The following VPS53 variants were observed in gnomAD, a reference collection of about 807,000 sequenced individuals.
The protein encoded by VPS53 is VPS53 subunit of GARP complex.
VPS53 carries 70 observed loss-of-function variants against 107.0 expected under a neutral mutation model. The observed-to-expected ratio is 0.65, with a 90% CI of 0.54 to 0.80. The LOEUF (loss-of-function observed/expected upper bound fraction) is 0.80. Ranked by LOEUF, VPS53 falls within the 30% of genes least tolerant of loss-of-function variation. The pLI is 0.00. For missense variants in VPS53, 917 were observed against 1,049.4 expected (o/e 0.87, Z 1.74); for synonymous variants, 409 against 393.3 (o/e 1.04, Z -0.47).
At chr17:594,580 C>T (rs34862016) in intron 12 of VPS53, among the ~76,000 whole-genome samples, 4 of 113,380 alleles carry the variant, frequency 3.5e-5, no homozygotes, top group Non-Finnish European at 7.3e-5. Context: ...TCAATTTCCT[C>T]GTTTGATGAT....
intron 19 of VPS53, among the ~76,000 whole-genome samples, chr17:531,344 A>G (rs949763632): frequency 1.3e-5 from 2 of 152,196 alleles, no homozygotes; most frequent in African/African-American, 4.8e-5. Context: ...GTTCCAGCAG[A>G]TGGTTTTCTC....
At chr17:592,046 T>C (rs1170164547) in intron 12 of VPS53, among the ~76,000 whole-genome samples, 2 of 152,276 alleles carry the variant, frequency 1.3e-5, no homozygotes, top group East Asian at 3.9e-4. Flanking sequence ...TGTAGGTCAC[T>C]CAGGACTTGC....
In VPS53 at chr17:552,756, G is replaced by A. The variant is rs969842383; in HGVS notation, c.1787+624C>T. On this transcript the variant is annotated intron_variant, in intron 16 of 21. Transcript: ENST00000437048. ...TAAAAGAGCAACTGCATCTGAGGAGGTACAATGGCAGCCCAGTTCTGAAGC... is the reference window on the plus strand; with the variant it reads ...TAAAAGAGCAACTGCATCTGAGGAGATACAATGGCAGCCCAGTTCTGAAGC... 4 of 219,944 alleles carry A rather than the reference G, an allele frequency of 1.8e-5. No homozygotes were observed. In the East Asian group the frequency reaches 4.0e-4, roughly 22 times the overall value. 13.6% of individuals were successfully genotyped at this position (219,944 alleles called of 1,614,324 possible).
chr17:679,970 A>T (rs1972325153), intron 4 of VPS53, among the ~76,000 whole-genome samples: 1 of 152,186 alleles, frequency 6.6e-6, no homozygotes, highest in African/African-American at 2.4e-5. Flanking sequence ...CAACATGGTG[A>T]AACCCCGTCT....
At chr17:562,812 TTGCAA>T in intron 13 of VPS53, 67 bp from the exon 14 acceptor site, 2 of 1,547,360 alleles carry the variant, frequency 1.3e-6, no homozygotes, top group Non-Finnish European at 1.7e-6. Flanking sequence ...ATGTGCTCGT[TTGCAA>T]TGTACATAAA....
At chr17:627,587 C>T (rs1054367092) in intron 9 of VPS53, among the ~76,000 whole-genome samples, 3 of 152,078 alleles carry the variant, frequency 2.0e-5, no homozygotes, top group African/African-American at 7.2e-5. Flanking sequence ...CCAGCCTGAC[C>T]AACATGGAGA....
Position 714,788 on chromosome 17 carries a change from A to G in VPS53, c.-79T>C. On this transcript the variant is annotated 5_prime_UTR_variant, in exon 1 of 22. Coordinates refer to ENST00000437048, the MANE Select transcript of VPS53 (RefSeq NM_001128159.3). ...GCCGCCACCCAGGCCCCAGCACAGC[A>G]ACTCCCTCGCGGCAGCGACCTGGTG... The G allele has an allele frequency of 6.5e-7, 1 of 1,533,162 alleles. No homozygotes were observed. Among genetic ancestry groups the G allele is most frequent in the African/African-American group, 1.4e-5 (1 of 73,408 alleles). 95.0% of individuals were successfully genotyped at this position (1,533,162 alleles called of 1,614,324 possible). A position where few individuals can be genotyped will look rare whatever the true frequency, so the allele number is the denominator to read the frequency against.
At chr17:703,163 C>G (rs547745219) in intron 2 of VPS53, among the ~76,000 whole-genome samples, 17 of 151,204 alleles carry the variant, frequency 1.1e-4, no homozygotes, top group African/African-American at 3.9e-4. Context: ...GAGCCGAGAT[C>G]ACACCACTGC....
intron 8 of VPS53, among the ~76,000 whole-genome samples, chr17:629,265 T>G (rs554290257): frequency 6.6e-6 from 1 of 152,260 alleles, no homozygotes; most frequent in South Asian, 2.1e-4. Flanking sequence ...CACCCTAACT[T>G]CTCAATTCTC....
At chr17:687,363 G>A (rs1417477213) in intron 4 of VPS53, among the ~76,000 whole-genome samples, 3 of 151,114 alleles carry the variant, frequency 2.0e-5, no homozygotes, top group Non-Finnish European at 4.4e-5. Context: ...AGATCATGAG[G>A]TCAGAAGATC....
At chr17:542,993 AT>A (rs1456987065) in intron 17 of VPS53, among the ~76,000 whole-genome samples, 4 of 150,894 alleles carry the variant, frequency 2.7e-5, no homozygotes, top group African/African-American at 4.9e-5. Context: ...AAAAAAAAAA[AT>A]CTGCATTTTT....
chr17:684,017 A>G (rs1597484218), intron 4 of VPS53, among the ~76,000 whole-genome samples: 1 of 152,254 alleles, frequency 6.6e-6, no homozygotes, highest in African/African-American at 2.4e-5. Context: ...GAAGCCTGCT[A>G]TGAAAAGACT....
rs377065889 is a variant in VPS53 at position 653,381 on chromosome 17, T to C, written c.518A>G (p.Glu173Gly). 1.2e-6 allele frequency: 2 copies of C among 1,614,256 alleles called. No homozygotes were observed. The highest frequency in any genetic ancestry group is 1.7e-6 in the Non-Finnish European group (2 of 1,180,056). ...CACACCCTGAAGGAGATTAGCAACT[T>C]CTCCGTATTGTCTTCGCCTGGTCAT... is the stretch of plus-strand genomic sequence containing the variant. ...EAMTRRRQYG[E>G]VANLLQGVMN... Residue 173 changes from glutamate (E) to glycine (G), a missense_variant, in exon 7 of 22, where the codon GAA becomes GGA. Glu to Gly is a moderately conservative substitution (Grantham distance 98). Transcript: ENST00000437048.
chr17:583,128 C>T (rs577298747), intron 13 of VPS53, among the ~76,000 whole-genome samples: 4 of 150,272 alleles, frequency 2.7e-5, no homozygotes, highest in South Asian at 2.1e-4. Context: ...GACCTCAATG[C>T]GTTCCCAGAG....
At chr17:599,011 G>C (rs1968171491) in intron 12 of VPS53, among the ~76,000 whole-genome samples, 2 of 89,168 alleles carry the variant, frequency 2.2e-5, no homozygotes, top group Admixed American at 2.5e-4. Context: ...GGGGGGGTCA[G>C]CCCCCAACCC....
chr17:566,817 C>T (rs907542499), intron 13 of VPS53, among the ~76,000 whole-genome samples: 1 of 151,874 alleles, frequency 6.6e-6, no homozygotes, highest in African/African-American at 2.4e-5. Context: ...GATCTCAGCT[C>T]ACTGCAACCT....
chr17:513,718 A>C lies in VPS53; in HGVS notation c.*5410T>G, dbSNP rs564006257. On this transcript the variant is annotated 3_prime_UTR_variant, in exon 22 of 22. Coordinates refer to ENST00000437048, the MANE Select transcript of VPS53 (RefSeq NM_001128159.3). ...TTCCGAGTGCTCTTCCTAGGGAAGG[A>C]ATCTCATTTCCAGCAGGTTATTCCG... The C allele has an allele frequency of 3.7e-5, 5 of 136,332 alleles. No homozygotes were observed. In the East Asian group the frequency reaches 1.1e-3, roughly 30 times the overall value. The allele number at this position is 136,332 out of a possible 1,614,324, so 8.4% of individuals were successfully genotyped here.
At chr17:713,506 A>T (rs370351451) in intron 1 of VPS53, among the ~76,000 whole-genome samples, 1 of 151,648 alleles carries the variant, frequency 6.6e-6, no homozygotes, top group African/African-American at 2.4e-5. Flanking sequence ...TACAAAAATT[A>T]GCTAGGCATG....
chr17:601,430 G>A (rs1463611371), intron 12 of VPS53, among the ~76,000 whole-genome samples: 6 of 152,156 alleles, frequency 3.9e-5, no homozygotes, highest in East Asian at 1.9e-4. Context: ...CTGGCTTCCC[G>A]GGGATTGTTC....
Sources: allele counts gnomAD v4.1 joint callset (sites outside exome capture counted in the v4.1 genomes callset), GRCh38; gene constraint gnomAD v4.1.1; transcripts MANE v1.5; gene names NCBI Gene and HGNC (gene_info 2026-07-23, HGNC 2026-07-21).